CTNNA2: variants seen among roughly 807,000 people sequenced by gnomAD.
The protein encoded by CTNNA2 is catenin alpha 2.
In CTNNA2, 42 loss-of-function variants were observed where a neutral mutation model predicts 101.0. The ratio of observed to expected loss-of-function variants is 0.42; its 90% CI spans 0.32 to 0.54. CTNNA2 has a LOEUF of 0.54. Among genes scored for constraint, CTNNA2 ranks in the 20% least tolerant of loss-of-function variants. The probability of loss-of-function intolerance (pLI) is 0.14; values close to 1 mark genes in which losing one functional copy is unlikely to be tolerated. For missense variants in CTNNA2, 871 were observed against 1,223.1 expected (o/e 0.71, Z 4.29); for synonymous variants, 450 against 456.4 (o/e 0.99, Z 0.18).
chr2:80,552,529 G>T (rs959587732), intron 11 of CTNNA2, among the ~76,000 whole-genome samples: 3 of 152,192 alleles, frequency 2.0e-5, no homozygotes, highest in African/African-American at 7.2e-5. Context: ...ATTGGAGAAG[G>T]TTGAAAAACA....
At chr2:80,486,390 A>G (rs1299595593) in intron 9 of CTNNA2, among the ~76,000 whole-genome samples, 1 of 152,188 alleles carries the variant, frequency 6.6e-6, no homozygotes, top group Non-Finnish European at 1.5e-5. Flanking sequence ...TCTTTGAGAT[A>G]TAGTATTCTC....
At chr2:80,386,844 T>C (rs1677052500) in intron 7 of CTNNA2, among the ~76,000 whole-genome samples, 1 of 152,206 alleles carries the variant, frequency 6.6e-6, no homozygotes, top group African/African-American at 2.4e-5. Context: ...GATAAACATC[T>C]ACCTTCTTAC....
intron 7 of CTNNA2, among the ~76,000 whole-genome samples, chr2:79,923,647 T>C (rs534786100): frequency 2.0e-4 from 31 of 152,244 alleles, no homozygotes; most frequent in Admixed American, 4.6e-4. Flanking sequence ...TTATTAACTA[T>C]TGTACTGTGT....
At chr2:79,490,237 T>C (rs949963354) in intron 4 of CTNNA2, among the ~76,000 whole-genome samples, 1 of 152,204 alleles carries the variant, frequency 6.6e-6, no homozygotes, top group Admixed American at 6.5e-5. Flanking sequence ...TAAGCTTGCA[T>C]AAAAATGTCA....
intron 3 of CTNNA2, among the ~76,000 whole-genome samples, chr2:79,353,785 GT>G (rs1444096352): frequency 2.6e-5 from 4 of 152,122 alleles, no homozygotes; most frequent in African/African-American, 4.8e-5. Context: ...GCTTAAGTGT[GT>G]TTTTGTGGTG....
intron 9 of CTNNA2, among the ~76,000 whole-genome samples, chr2:80,460,859 G>T (rs1301687341): frequency 6.6e-6 from 1 of 152,146 alleles, no homozygotes; most frequent in Non-Finnish European, 1.5e-5. Context: ...AATACAGATT[G>T]TTGGATCTCA....
intron 3 of CTNNA2, among the ~76,000 whole-genome samples, chr2:79,342,819 C>A (rs1366474311): frequency 6.6e-6 from 1 of 152,120 alleles, no homozygotes; most frequent in Non-Finnish European, 1.5e-5. Context: ...TTACCATGTG[C>A]CTAAGGATGA....
intron 18 of CTNNA2, among the ~76,000 whole-genome samples, chr2:80,632,122 T>C (rs967030459): frequency 6.6e-6 from 1 of 152,020 alleles, no homozygotes; most frequent in African/African-American, 2.4e-5. Context: ...GAACAGACCA[T>C]CCATAATCTC....
intron 3 of CTNNA2, among the ~76,000 whole-genome samples, chr2:79,856,388 T>C (rs935697417): frequency 2.0e-5 from 3 of 152,226 alleles, no homozygotes; most frequent in African/African-American, 7.2e-5. Context: ...AATTACAGGA[T>C]GCACAGACTT....
intron 1 of CTNNA2, among the ~76,000 whole-genome samples, chr2:79,608,465 C>A (rs1427228723): frequency 6.6e-6 from 1 of 151,908 alleles, no homozygotes; most frequent in Non-Finnish European, 1.5e-5. Flanking sequence ...AAAGAAAATA[C>A]AAAACATGGA....
rs145028830 is a variant in CTNNA2 at position 79,503,781 on chromosome 2, A to C, written c.-134-1273A>C. Among the ~76,000 whole-genome samples the C allele has an allele frequency of 1.5e-3, 225 of 152,244 alleles. 4 individuals are homozygous for C. In the East Asian group the frequency reaches 0.038, roughly 26 times the overall value. On this transcript the variant is annotated intron_variant, in intron 4 of 21. Transcript: ENST00000466387. ...ATTTTCATAATAAAAAATGTTTCAAATGTTGGATATAATTCTTTCATTGAA... is the reference window on the plus strand; with the variant it reads ...ATTTTCATAATAAAAAATGTTTCAACTGTTGGATATAATTCTTTCATTGAA...
At chr2:79,558,925 C>T (rs1391070979) in intron 1 of CTNNA2, among the ~76,000 whole-genome samples, 5 of 151,606 alleles carry the variant, frequency 3.3e-5, no homozygotes, top group African/African-American at 1.2e-4. Flanking sequence ...ACTCTCTGCT[C>T]CTTTCTCTCT....
intron 7 of CTNNA2, among the ~76,000 whole-genome samples, chr2:79,928,985 T>C (rs879398093): frequency 1.3e-5 from 2 of 152,194 alleles, no homozygotes; most frequent in African/African-American, 2.4e-5. Context: ...AAAGGGATGA[T>C]TTGTGGGTTC....
At chr2:80,486,359 C>T (rs1971117) in intron 9 of CTNNA2, among the ~76,000 whole-genome samples, 109 of 152,040 alleles carry the variant, frequency 7.2e-4, no homozygotes, top group African/African-American at 2.3e-3. Context: ...TTTTGTTTCA[C>T]TATTCACAAA....
intron 1 of CTNNA2, among the ~76,000 whole-genome samples, chr2:79,643,266 C>T (rs1337040466): frequency 2.6e-5 from 4 of 151,954 alleles, no homozygotes; most frequent in African/African-American, 9.7e-5. Context: ...TTTTATGGTC[C>T]CCAAATAAAG....
chr2:80,632,585 C>A (rs1672417202), intron 18 of CTNNA2, among the ~76,000 whole-genome samples: 1 of 152,188 alleles, frequency 6.6e-6, no homozygotes, highest in East Asian at 1.9e-4. Flanking sequence ...ACTAGGCTAC[C>A]CCACGAGTAC....
chr2:80,053,566 C>T (rs1697019389), intron 7 of CTNNA2, among the ~76,000 whole-genome samples: 1 of 152,178 alleles, frequency 6.6e-6, no homozygotes, highest in African/African-American at 2.4e-5. Context: ...TATCATTGTT[C>T]TGCCTCTTTC....
At chr2:80,563,078 C>T (rs961529859) in intron 12 of CTNNA2, among the ~76,000 whole-genome samples, 3 of 151,390 alleles carry the variant, frequency 2.0e-5, no homozygotes, top group Non-Finnish European at 4.4e-5. Flanking sequence ...ACATGAATCT[C>T]CAGTTCTTCA....
intron 2 of CTNNA2, among the ~76,000 whole-genome samples, chr2:79,220,409 C>T (rs1429138076): frequency 1.3e-5 from 2 of 152,072 alleles, no homozygotes; most frequent in African/African-American, 4.8e-5. Context: ...AATTCTAACA[C>T]TGAATCCCAG....
Sources: allele counts gnomAD v4.1 joint callset (sites outside exome capture counted in the v4.1 genomes callset), GRCh38; gene constraint gnomAD v4.1.1; transcripts MANE v1.5; gene names NCBI Gene and HGNC (gene_info 2026-07-23, HGNC 2026-07-21).